Variants in SPON1 observed in about 807,000 individuals in gnomAD.
SPON1 encodes spondin-1.
A neutral mutation model predicts 111.7 loss-of-function variants in SPON1; 52 were observed. The ratio of observed to expected loss-of-function variants is 0.47; its 90% CI spans 0.37 to 0.59. The LOEUF is 0.59. Among genes scored for constraint, SPON1 ranks in the 20% least tolerant of loss-of-function variants. SPON1 has a pLI of 0.00. For missense variants in SPON1, 957 were observed against 1,068.5 expected, an observed-to-expected ratio of 0.90 and a Z score of 1.46; for synonymous variants, 410 against 395.8, an observed-to-expected ratio of 1.04 and a Z score of -0.43.
rs552564285 is a variant in SPON1 at position 13,963,178 on chromosome 11, G to A, written c.238+36G>A. Reference sequence around the variant, plus strand: ...GCCCGGCGTGGCATTAGGAGAGCGGGACCCGGTCCCCGGAGGGCGCCGACC... The same window carrying A: ...GCCCGGCGTGGCATTAGGAGAGCGGAACCCGGTCCCCGGAGGGCGCCGACC... On this transcript the variant is annotated intron_variant, in intron 1 of 15. Coordinates refer to ENST00000576479, the MANE Select transcript of SPON1 (RefSeq NM_006108.4). 2.6e-4 allele frequency: 362 copies of A among 1,414,282 alleles called. 1 individual carries two copies. In the African/African-American group the frequency reaches 4.9e-3, roughly 19 times the overall value. The allele number at this position is 1,414,282 out of a possible 1,614,324, so 87.6% of individuals were successfully genotyped here.
intron 8 of SPON1, 25 bp downstream of exon 8, chr11:14,254,754 G>A: frequency 6.2e-7 from 1 of 1,608,988 alleles, no homozygotes; most frequent in Non-Finnish European, 8.5e-7. Flanking sequence ...CTGGAGTGGT[G>A]AGTGGCTCCT....
chr11:14,167,298 G>C (rs1348862393), intron 6 of SPON1, among the ~76,000 whole-genome samples: 1 of 151,950 alleles, frequency 6.6e-6, no homozygotes, highest in East Asian at 1.9e-4. Flanking sequence ...AAAGTTGTCA[G>C]ATATCAAAGG....
intron 6 of SPON1, among the ~76,000 whole-genome samples, chr11:14,193,663 C>T (rs1016051505): frequency 6.6e-6 from 1 of 152,180 alleles, no homozygotes; most frequent in Non-Finnish European, 1.5e-5. Flanking sequence ...CTCTGGCCCT[C>T]CTCAGACAAG....
intron 5 of SPON1, among the ~76,000 whole-genome samples, chr11:14,088,440 G>T (rs7358386): frequency 0.26 from 38,873 of 152,050 alleles, 5,895 homozygotes; most frequent in South Asian, 0.41. Context: ...GTTTCTTTAA[G>T]AATGTTGAAT....
intron 6 of SPON1, among the ~76,000 whole-genome samples, chr11:14,143,795 T>C (rs1012840973): frequency 2.0e-5 from 3 of 152,078 alleles, no homozygotes; most frequent in Admixed American, 6.6e-5. Context: ...GCTGCACCAA[T>C]TGGGTGACAA....
intron 5 of SPON1, among the ~76,000 whole-genome samples, chr11:14,101,154 C>T (rs1313902468): frequency 6.6e-6 from 1 of 152,054 alleles, no homozygotes; most frequent in Non-Finnish European, 1.5e-5. Context: ...AATCCCAGTG[C>T]TTTGGGAGGC....
chr11:14,233,331 A>C (rs1554938930), intron 6 of SPON1, among the ~76,000 whole-genome samples: 1 of 152,164 alleles, frequency 6.6e-6, no homozygotes, highest in Non-Finnish European at 1.5e-5. Context: ...ATGTCGCCAG[A>C]CACAGCAATG....
intron 6 of SPON1, among the ~76,000 whole-genome samples, chr11:14,234,870 G>T (rs1312188681): frequency 6.6e-6 from 1 of 152,246 alleles, no homozygotes; most frequent in Non-Finnish European, 1.5e-5. Flanking sequence ...TCTTCTAGTG[G>T]ATCTGCTAAT....
chr11:14,246,423 A>G (rs531949888), intron 7 of SPON1, among the ~76,000 whole-genome samples: 1 of 152,328 alleles, frequency 6.6e-6, no homozygotes, highest in South Asian at 2.1e-4. Flanking sequence ...TAGAATGCCA[A>G]CAGTACCCAG....
At chr11:14,104,230 T>C (rs1277963077) in intron 5 of SPON1, among the ~76,000 whole-genome samples, 2 of 152,100 alleles carry the variant, frequency 1.3e-5, no homozygotes, top group East Asian at 1.9e-4. Context: ...TGTTTTATTT[T>C]TTCTTCCTCA....
At chr11:14,227,823 T>C (rs1326405556) in intron 6 of SPON1, among the ~76,000 whole-genome samples, 1 of 152,162 alleles carries the variant, frequency 6.6e-6, no homozygotes, top group East Asian at 1.9e-4. Context: ...AGCCTCTTAA[T>C]ACCATGCTTT....
intron 6 of SPON1, among the ~76,000 whole-genome samples, chr11:14,209,107 GGAGA>G (rs1280800796): frequency 1.3e-5 from 2 of 151,854 alleles, no homozygotes; most frequent in Non-Finnish European, 2.9e-5. Context: ...GTTTTCTTAT[GGAGA>G]GAGAGAGAAA....
intron 6 of SPON1, among the ~76,000 whole-genome samples, chr11:14,143,621 G>C (rs10766144): frequency 0.39 from 59,001 of 151,490 alleles, 11,739 homozygotes; most frequent in East Asian, 0.55. Context: ...TTTCAGGGCA[G>C]CAGTGGATGG....
intron 5 of SPON1, among the ~76,000 whole-genome samples, chr11:14,117,380 T>A (rs1849274554): frequency 6.6e-6 from 1 of 152,222 alleles, no homozygotes; most frequent in South Asian, 2.1e-4. Flanking sequence ...TGCTGATATG[T>A]TTTCTTATGT....
Position 14,031,816 on chromosome 11 carries a change from G to C in SPON1, c.346-9705G>C, listed in dbSNP as rs562980898. 1.2e-3 allele frequency among the ~76,000 whole-genome samples: 188 copies of C among 152,270 alleles called. 1 individual carries two copies. Among genetic ancestry groups the C allele is most frequent in the Non-Finnish European group, 2.2e-3 (152 of 68,010 alleles). On this transcript the variant is annotated intron_variant, in intron 2 of 15. Coordinates refer to ENST00000576479, the MANE Select transcript of SPON1 (RefSeq NM_006108.4). ...ACTGTCTTTCCTTCCATGGCTTTCA[G>C]ATTGAAAAAATACACGTAGGAAACT...
chr11:13,994,741 C>A (rs1447496242), intron 2 of SPON1, among the ~76,000 whole-genome samples: 3 of 152,178 alleles, frequency 2.0e-5, no homozygotes, highest in African/African-American at 7.2e-5. Flanking sequence ...TACTCTAGAA[C>A]TTTCAGTTGC....
At chr11:14,170,645 C>A (rs11511853) in intron 6 of SPON1, among the ~76,000 whole-genome samples, 1 of 151,088 alleles carries the variant, frequency 6.6e-6, no homozygotes, top group Non-Finnish European at 1.5e-5. Context: ...TCATAGATAG[C>A]GCTTATTATT....
Position 14,103,973 on chromosome 11 carries a change from A to G in SPON1, c.676+23952A>G, listed in dbSNP as rs1206748708. ...GCTATGTTCTTTGAACCTTATAGAC[A>G]TAATATCATTATGCTCTCATTATTA... On this transcript the variant is annotated intron_variant, in intron 5 of 15. Coordinates refer to ENST00000576479, the MANE Select transcript of SPON1 (RefSeq NM_006108.4). Among the ~76,000 whole-genome samples the G allele has an allele frequency of 5.9e-5, 9 of 152,178 alleles. No individual in the cohort carries two copies. In the South Asian group the frequency reaches 8.3e-4, roughly 14 times the overall value.
intron 5 of SPON1, among the ~76,000 whole-genome samples, chr11:14,131,150 T>C: frequency 6.6e-6 from 1 of 152,194 alleles, no homozygotes; most frequent in South Asian, 2.1e-4. Context: ...CTAATTTCTT[T>C]GTTTCTAGAG....
Sources: allele counts gnomAD v4.1 joint callset (sites outside exome capture counted in the v4.1 genomes callset), GRCh38; gene constraint gnomAD v4.1.1; transcripts MANE v1.5; gene names NCBI Gene and HGNC (gene_info 2026-07-23, HGNC 2026-07-21).